The following BICD2 variants were observed in gnomAD, a reference collection of about 807,000 sequenced individuals.
BICD2 encodes the protein BICD cargo adaptor 2, also known as protein bicaudal D homolog 2.
In BICD2, 25 loss-of-function variants were observed where a neutral mutation model predicts 72.9. The observed-to-expected ratio is 0.34, with a 90% CI of 0.25 to 0.48. BICD2 has a LOEUF of 0.48. BICD2 is among the 20% of genes least tolerant of loss of function. BICD2 has a pLI of 0.99. For missense variants in BICD2, 894 were observed against 1,175.2 expected, an observed-to-expected ratio of 0.76 and a Z score of 3.50; for synonymous variants, 501 against 516.1, an observed-to-expected ratio of 0.97 and a Z score of 0.40.
chr9:92,756,557 G>A (rs558900270), intron 1 of BICD2, among the ~76,000 whole-genome samples: 13 of 143,808 alleles, frequency 9.0e-5, no homozygotes, highest in East Asian at 2.4e-4. Flanking sequence ...CACTGCGCCC[G>A]GCCCCTGGCT....
chr9:92,746,315 T>A (rs1854011575), intron 1 of BICD2, among the ~76,000 whole-genome samples: 1 of 152,172 alleles, frequency 6.6e-6, no homozygotes, highest in African/African-American at 2.4e-5. Context: ...GCAGATCACC[T>A]GAGGTCAGGA....
intron 1 of BICD2, among the ~76,000 whole-genome samples, chr9:92,737,160 C>T (rs768248952): frequency 7.9e-5 from 12 of 152,138 alleles, no homozygotes; most frequent in African/African-American, 2.9e-4. Context: ...CTGTGGTGGG[C>T]GCCAATCACA....
intron 1 of BICD2, among the ~76,000 whole-genome samples, chr9:92,733,279 T>C (rs1853710900): frequency 6.6e-6 from 1 of 152,204 alleles, no homozygotes; most frequent in Non-Finnish European, 1.5e-5. Flanking sequence ...GGCTCATGCT[T>C]GTAATCCCAG....
intron 1 of BICD2, among the ~76,000 whole-genome samples, chr9:92,741,535 T>C (rs984559346): frequency 6.6e-6 from 1 of 152,250 alleles, no homozygotes; most frequent in African/African-American, 2.4e-5. Flanking sequence ...TAATTTAGCC[T>C]GAACTCTTCT....
rs750735477 is a variant in BICD2 at position 92,729,156 on chromosome 9, C to T, written c.321G>A (p.Ser107=). ...GCACGTAGTACTGCTCCTTGGAGGC[C>T]GACTCCTGGATCAGGCTCTCCTCCC... The part of the protein sequence containing the change: ...ESREESLIQE[S]ASKEQYYVRK... The change falls in exon 2 of 7, where the codon TCG becomes TCA. Residue 107 remains serine (S), a synonymous_variant. Transcript: ENST00000356884. The T allele has an allele frequency of 1.7e-5, 27 of 1,614,124 alleles. No homozygotes were observed. The highest frequency in any genetic ancestry group is 2.2e-5 in the East Asian group (1 of 44,896).
Position 92,764,665 on chromosome 9 carries a change from T to A in BICD2, c.80A>T (p.Lys27Met). ...CTCGGCCAGCTCGTGGGACAGCCGC[T>A]TCACCTCGGCGCGCAGCCACTCCGG... ...AQPEWLRAEV[K>M]RLSHELAETT... The change falls in exon 1 of 7, where the codon AAG (lysine) becomes ATG (methionine). Residue 27 changes from lysine to methionine, a missense_variant. By Grantham distance (95) the Lys-to-Met change is moderately conservative (BLOSUM62 -1). Coordinates refer to ENST00000356884, the MANE Select transcript of BICD2 (RefSeq NM_001003800.2). The surrounding 1 kb of genome is among the most constrained non-coding windows in gnomAD (Gnocchi z 5.5). 6.3e-7 allele frequency: 1 copy of A among 1,591,320 alleles called. No homozygotes were observed. The highest frequency in any genetic ancestry group is 1.1e-5 in the South Asian group (1 of 87,682).
intron 1 of BICD2, among the ~76,000 whole-genome samples, chr9:92,763,452 T>C (rs893723438): frequency 6.6e-6 from 1 of 152,130 alleles, no homozygotes; most frequent in African/African-American, 2.4e-5. Flanking sequence ...CAATCCTTTC[T>C]GGGCACGCAG....
chr9:92,759,943 T>C (rs970738699), intron 1 of BICD2, among the ~76,000 whole-genome samples: 2 of 152,140 alleles, frequency 1.3e-5, no homozygotes, highest in Non-Finnish European at 2.9e-5. Context: ...CTAGCAGGAA[T>C]CCTATATGGA....
At chr9:92,755,687 C>T (rs1220762769) in intron 1 of BICD2, among the ~76,000 whole-genome samples, 1 of 152,184 alleles carries the variant, frequency 6.6e-6, no homozygotes, top group East Asian at 1.9e-4. Flanking sequence ...CCAAGGAATC[C>T]CCTAGGCTTA....
At position 92,764,688 on chromosome 9, in the gene BICD2, C is replaced by T. The variant is rs1393112713; in HGVS notation, c.57G>A (p.Pro19=). 2.5e-6 allele frequency: 4 copies of T among 1,589,230 alleles called. No individual in the cohort carries two copies. The highest frequency in any genetic ancestry group is 3.4e-6 in the Non-Finnish European group (4 of 1,172,768). ...EYARLVMEAQ[P]EWLRAEVKRL... The stretch of plus-strand genomic sequence containing the variant: ...GCTTCACCTCGGCGCGCAGCCACTC[C>T]GGCTGCGCCTCCATCACCAGCCGCG... Residue 19 remains proline (P), a synonymous_variant, in exon 1 of 7, where the codon CCG becomes CCA. Transcript: ENST00000356884. This position sits in a 1 kb window ranked among gnomAD's most constrained non-coding sequence, Gnocchi z 5.5.
chr9:92,718,407 T>C (rs1853368604), intron 5 of BICD2, 132 bp downstream of exon 5: 1 of 1,118,912 alleles, frequency 8.9e-7, no homozygotes, highest in Non-Finnish European at 1.2e-6. Flanking sequence ...GTCGAGCTAC[T>C]ATGGGGCTGG....
intron 1 of BICD2, among the ~76,000 whole-genome samples, chr9:92,743,823 A>T (rs1853948490): frequency 6.6e-6 from 1 of 152,202 alleles, no homozygotes; most frequent in Non-Finnish European, 1.5e-5. Context: ...GACACCCAAG[A>T]AGAACATTGG....
At chr9:92,734,103 T>C (rs191927089) in intron 1 of BICD2, among the ~76,000 whole-genome samples, 231 of 152,336 alleles carry the variant, frequency 1.5e-3, no homozygotes, top group Admixed American at 2.7e-3. Context: ...ATAACAGAGA[T>C]GAATCTAACA....
At chr9:92,722,542 G>A (rs1307125288) in intron 3 of BICD2, 114 bp downstream of exon 3, 32 of 1,405,294 alleles carry the variant, frequency 2.3e-5, no homozygotes, top group Non-Finnish European at 2.8e-5. Context: ...CCTGGGCCTC[G>A]GGTGTGTGGA....
At chr9:92,760,713 C>T (rs1854354840) in intron 1 of BICD2, among the ~76,000 whole-genome samples, 1 of 152,168 alleles carries the variant, frequency 6.6e-6, no homozygotes, top group Non-Finnish European at 1.5e-5. Context: ...TTCAGGTATT[C>T]ACAGGGCCCC....
Position 92,713,673 on chromosome 9 carries a change from G to A in BICD2, c.*1481C>T, listed in dbSNP as rs1587664779. 1 of 1,435,612 alleles carries A rather than the reference G, an allele frequency of 7.0e-7. No individual in the cohort carries two copies. Among genetic ancestry groups the A allele is most frequent in the East Asian group, 2.6e-5 (1 of 38,664 alleles). The allele number at this position is 1,435,612 out of a possible 1,614,324, so 88.9% of individuals were successfully genotyped here. A position where few individuals can be genotyped will look rare whatever the true frequency, so the allele number is the denominator to read the frequency against. ...AAGCTATGTGCCAGGCTTGCAAGGA[G>A]AGGGCAAAGCGCATGCAGGGTGGGC... On this transcript the variant is annotated 3_prime_UTR_variant, in exon 7 of 7. Coordinates refer to ENST00000356884, the MANE Select transcript of BICD2 (RefSeq NM_001003800.2).
chr9:92,752,644 C>G (rs907081016), intron 1 of BICD2, among the ~76,000 whole-genome samples: 1 of 152,096 alleles, frequency 6.6e-6, no homozygotes, highest in Non-Finnish European at 1.5e-5. Context: ...GTGGCACATG[C>G]TACTGGGGAG....
chr9:92,730,535 A>G (rs1272464970), intron 1 of BICD2, among the ~76,000 whole-genome samples: 1 of 152,238 alleles, frequency 6.6e-6, no homozygotes, highest in African/African-American at 2.4e-5. Context: ...CATGGGACCA[A>G]CAGGGGACTC....
intron 1 of BICD2, among the ~76,000 whole-genome samples, chr9:92,743,893 G>A (rs1182340873): frequency 1.3e-5 from 2 of 152,194 alleles, no homozygotes; most frequent in Non-Finnish European, 2.9e-5. Flanking sequence ...GTAAACACAG[G>A]AAAAGGTCCA....
Sources: gnomAD v4.1 joint callset for allele counts (sites outside exome capture counted in the v4.1 genomes callset) on GRCh38, gnomAD v4.1.1 for gene constraint, Gnocchi (gnomAD v3.1) non-coding constraint, MANE v1.5 for transcripts, NCBI Gene and HGNC (gene_info 2026-07-23, HGNC 2026-07-21) for gene names.